The following PTPRN2 variants were observed in gnomAD, a reference collection of about 807,000 sequenced individuals.
PTPRN2 encodes the protein protein tyrosine phosphatase receptor type N2, also known as receptor-type tyrosine-protein phosphatase N2.
Under a neutral mutation model 118.8 loss-of-function variants are expected in PTPRN2, and 74 were observed. The observed-to-expected ratio is 0.62, with a 90% CI of 0.52 to 0.76. The LOEUF (loss-of-function observed/expected upper bound fraction) is 0.76. PTPRN2 is among the 30% of genes least tolerant of loss of function. PTPRN2 has a pLI of 0.00. For synonymous variants in PTPRN2, 641 were observed against 608.0 expected, an observed-to-expected ratio of 1.05 and a Z score of -0.80; for missense variants, 1,481 against 1,394.4, an observed-to-expected ratio of 1.06 and a Z score of -0.99.
chr7:157,825,416 C>T (rs370541679), intron 12 of PTPRN2, among the ~76,000 whole-genome samples: 6 of 152,168 alleles, frequency 3.9e-5, no homozygotes, highest in Admixed American at 3.3e-4. Context: ...TGCCTCCCCC[C>T]CAGACTTCTT....
chr7:158,512,626 G>A (rs747836340), intron 1 of PTPRN2, among the ~76,000 whole-genome samples: 14 of 152,092 alleles, frequency 9.2e-5, no homozygotes, highest in East Asian at 1.9e-4. Flanking sequence ...GGACATCCCC[G>A]CAGTAATGAG....
At chr7:158,387,532 C>A (rs2151368082) in intron 2 of PTPRN2, among the ~76,000 whole-genome samples, 2 of 152,300 alleles carry the variant, frequency 1.3e-5, no homozygotes, top group Non-Finnish European at 1.5e-5. Flanking sequence ...TCTCTGGGTC[C>A]TGGGGGGACT....
intron 9 of PTPRN2, among the ~76,000 whole-genome samples, chr7:158,124,735 G>C (rs1221676201): frequency 6.6e-6 from 1 of 152,094 alleles, no homozygotes; most frequent in South Asian, 2.1e-4. Context: ...GGGAGGGCCT[G>C]GTGGAGTGTC....
At chr7:158,230,456 A>T (rs937350411) in intron 3 of PTPRN2, among the ~76,000 whole-genome samples, 1 of 152,216 alleles carries the variant, frequency 6.6e-6, no homozygotes, top group Non-Finnish European at 1.5e-5. Context: ...GCAGCAACCT[A>T]TTAAGAGATA....
chr7:158,329,755 G>T (rs1211071917), intron 2 of PTPRN2, among the ~76,000 whole-genome samples: 1 of 152,180 alleles, frequency 6.6e-6, no homozygotes, highest in African/African-American at 2.4e-5. Context: ...TAAGGAACTT[G>T]CTCAGAGTTG....
chr7:157,621,633 G>A, intron 14 of PTPRN2, 124 bp from the exon 15 acceptor site: 1 of 1,251,854 alleles, frequency 8.0e-7, no homozygotes, highest in Non-Finnish European at 1.1e-6. Context: ...TCACGAGCCT[G>A]GGCCATGGTG....
chr7:158,169,154 C>T (rs761917726), intron 5 of PTPRN2, among the ~76,000 whole-genome samples: 26 of 152,130 alleles, frequency 1.7e-4, no homozygotes, highest in African/African-American at 5.6e-4. Context: ...TGGCTATTTC[C>T]GAAAATATTT....
chr7:158,382,467 T>C (rs1332520844), intron 2 of PTPRN2, among the ~76,000 whole-genome samples: 1 of 152,188 alleles, frequency 6.6e-6, no homozygotes, highest in African/African-American at 2.4e-5. Context: ...AAGAAATGCA[T>C]AAATCTGTCT....
At chr7:158,494,250 G>A (rs541478174) in intron 1 of PTPRN2, among the ~76,000 whole-genome samples, 143 of 152,334 alleles carry the variant, frequency 9.4e-4, no homozygotes, top group Non-Finnish European at 1.5e-3. Context: ...ATCTCTGGGC[G>A]TCGCTGTGGC....
intron 18 of PTPRN2, among the ~76,000 whole-genome samples, chr7:157,577,254 G>C (rs971273047): frequency 6.6e-6 from 1 of 152,210 alleles, no homozygotes; most frequent in Non-Finnish European, 1.5e-5. Flanking sequence ...GAGTCGCGCT[G>C]ATGTGAACCC....
intron 2 of PTPRN2, among the ~76,000 whole-genome samples, chr7:158,418,252 G>A (rs1814910273): frequency 6.8e-6 from 1 of 146,404 alleles, no homozygotes; most frequent in Non-Finnish European, 1.5e-5. Context: ...GTCCCACTGT[G>A]TTGTCATGGT....
intron 14 of PTPRN2, among the ~76,000 whole-genome samples, chr7:157,633,026 A>G (rs1054287910): frequency 6.6e-6 from 1 of 152,140 alleles, no homozygotes; most frequent in African/African-American, 2.4e-5. Flanking sequence ...CCCTTCAGTC[A>G]TCCAGTTTGA....
chr7:158,402,234 C>T (rs955475062), intron 2 of PTPRN2, among the ~76,000 whole-genome samples: 2 of 152,142 alleles, frequency 1.3e-5, no homozygotes, highest in African/African-American at 4.8e-5. Flanking sequence ...AGACACAGGA[C>T]CAGGGTATAC....
rs1038951787 is a variant in PTPRN2 at position 158,587,711 on chromosome 7, G to A, written c.-42C>T. The A allele has an allele frequency of 3.5e-6, 4 of 1,149,826 alleles. No homozygotes were observed. Among genetic ancestry groups the A allele is most frequent in the Admixed American group, 9.6e-5 (2 of 20,804 alleles). The allele number at this position is 1,149,826 out of a possible 1,614,324, so 71.2% of individuals were successfully genotyped here. On this transcript the variant is annotated 5_prime_UTR_variant, in exon 1 of 23. Transcript: ENST00000389418. ...GCGGCGCTCAGTCCATGGCCGCGCG[G>A]GAGGCGGCGGGAGGCGGCCGAGTCC...
chr7:157,800,183 T>G (rs981890606), intron 12 of PTPRN2, among the ~76,000 whole-genome samples: 1 of 150,966 alleles, frequency 6.6e-6, no homozygotes, highest in African/African-American at 2.5e-5. Context: ...GATGCCCTCC[T>G]CCATCCCTCA....
At chr7:158,177,487 T>C (rs1824319445) in intron 5 of PTPRN2, among the ~76,000 whole-genome samples, 1 of 152,188 alleles carries the variant, frequency 6.6e-6, no homozygotes, top group Non-Finnish European at 1.5e-5. Context: ...GGCATGACAA[T>C]GAACACGTCC....
Position 157,560,659 on chromosome 7 carries a change from C to T in PTPRN2, c.2902+8243G>A, listed in dbSNP as rs1044118737. ...CAGCAGAGGAGGCCCTGCTCCTGCC[C>T]GACCGAAGGCAACTTCTCCCTTGAA... On this transcript the variant is annotated intron_variant, in intron 21 of 22. Transcript: ENST00000389418. This position sits in a 1 kb window ranked among gnomAD's most constrained non-coding sequence, Gnocchi z 6.7. Among the ~76,000 whole-genome samples, 1 of 152,152 alleles carries T rather than the reference C, an allele frequency of 6.6e-6. No individual in the cohort carries two copies. The highest frequency in any genetic ancestry group is 1.5e-5 in the Non-Finnish European group (1 of 68,012).
chr7:157,999,928 C>T lies in PTPRN2; in HGVS notation c.1723+81370G>A, dbSNP rs552337055. 5.9e-5 allele frequency among the ~76,000 whole-genome samples: 9 copies of T among 151,946 alleles called. No homozygotes were observed. The East Asian group carries it at 1.5e-3, about 26-fold the overall frequency. ...TTGAGTCAGAGTCTCACTGTGTCAC[C>T]CAGGCTGGAGTGCAATGGCAGGATC... On this transcript the variant is annotated intron_variant, in intron 11 of 22. Transcript: ENST00000389418.
rs1360746726 is a variant in PTPRN2 at position 158,401,024 on chromosome 7, G to A, written c.164-84092C>T. The stretch of plus-strand genomic sequence containing the variant: ...TGCTCCGCCTCCTGTGGCCAAGGCC[G>A]CTCATCACCCAGGAACCGACACGCA... On this transcript the variant is annotated intron_variant, in intron 2 of 22. Transcript: ENST00000389418. Among the ~76,000 whole-genome samples the A allele has an allele frequency of 3.3e-5, 5 of 152,148 alleles. No homozygotes were observed. In the South Asian group the frequency reaches 6.2e-4, roughly 19 times the overall value.
Sources: gnomAD v4.1 joint callset for allele counts (sites outside exome capture counted in the v4.1 genomes callset) on GRCh38, gnomAD v4.1.1 for gene constraint, Gnocchi (gnomAD v3.1) non-coding constraint, MANE v1.5 for transcripts, NCBI Gene and HGNC (gene_info 2026-07-23, HGNC 2026-07-21) for gene names.